APP: variants seen among roughly 807,000 people sequenced by gnomAD.
APP encodes amyloid beta precursor protein.
In APP, 31 loss-of-function variants were observed where a neutral mutation model predicts 101.4. The ratio of observed to expected loss-of-function variants is 0.31; its 90% CI spans 0.23 to 0.41. APP has a LOEUF of 0.41. Among genes scored for constraint, APP ranks in the 10% least tolerant of loss-of-function variants. The pLI is 1.00. For synonymous variants in APP, 366 were observed against 364.4 expected (o/e 1.00, Z -0.05); for missense variants, 839 against 1,003.7 (o/e 0.84, Z 2.22).
intron 3 of APP, among the ~76,000 whole-genome samples, chr21:26,057,220 C>T (rs574817027): frequency 1.2e-4 from 19 of 152,292 alleles, no homozygotes; most frequent in African/African-American, 4.3e-4. Flanking sequence ...AATGCTTCTG[C>T]TTATTTGCTT....
chr21:26,002,098 A>T (rs1040800636), intron 6 of APP, among the ~76,000 whole-genome samples: 7 of 152,198 alleles, frequency 4.6e-5, no homozygotes, highest in African/African-American at 1.4e-4. Flanking sequence ...AGCAGTACTG[A>T]GTGAGATGGC....
intron 11 of APP, among the ~76,000 whole-genome samples, chr21:25,965,602 A>G (rs977454301): frequency 1.3e-5 from 2 of 152,194 alleles, no homozygotes; most frequent in African/African-American, 2.4e-5. Context: ...AAAGCCAAAC[A>G]TCACCTGGCA....
chr21:26,029,015 T>A (rs1476996696), intron 5 of APP, among the ~76,000 whole-genome samples: 1 of 151,146 alleles, frequency 6.6e-6, no homozygotes, highest in Non-Finnish European at 1.5e-5. Flanking sequence ...ACCAAGAGAG[T>A]GCATGGATGG....
chr21:25,897,460 G>C (rs1053353073), intron 16 of APP, 113 bp downstream of exon 16: 3 of 870,394 alleles, frequency 3.4e-6, no homozygotes, highest in East Asian at 2.5e-5. Flanking sequence ...CTATAGGCAA[G>C]CATTGTATTT....
intron 7 of APP, among the ~76,000 whole-genome samples, chr21:25,998,718 T>C (rs765282899): frequency 2.0e-5 from 3 of 152,146 alleles, no homozygotes; most frequent in Non-Finnish European, 4.4e-5. Context: ...TTGAGTTTCA[T>C]TTTTAGTTAT....
chr21:26,030,422 A>T (rs1341547168), intron 5 of APP, among the ~76,000 whole-genome samples: 1 of 152,206 alleles, frequency 6.6e-6, no homozygotes, highest in African/African-American at 2.4e-5. Flanking sequence ...TCTGTAGAAA[A>T]ATGTTCTTAG....
chr21:25,977,233 G>T (rs138695062), intron 9 of APP, among the ~76,000 whole-genome samples: 6 of 152,294 alleles, frequency 3.9e-5, no homozygotes, highest in Non-Finnish European at 2.9e-5. Context: ...GTTGTTCAAA[G>T]AAAATATTAA....
At chr21:26,018,796 C>T (rs577554214) in intron 6 of APP, among the ~76,000 whole-genome samples, 16 of 152,280 alleles carry the variant, frequency 1.1e-4, no homozygotes, top group Admixed American at 7.8e-4. Context: ...TTCTTGCCAA[C>T]AAAATTATTA....
At chr21:25,915,539 A>C (rs898141671) in intron 13 of APP, among the ~76,000 whole-genome samples, 1 of 152,264 alleles carries the variant, frequency 6.6e-6, no homozygotes, top group Non-Finnish European at 1.5e-5. Flanking sequence ...ATTAGGCATT[A>C]TTAAGCATGT....
intron 13 of APP, chr21:25,935,221 G>A (rs1001952447): frequency 6.6e-6 from 1 of 152,268 alleles, no homozygotes; most frequent in East Asian, 1.9e-4. Context: ...TAAATTTACT[G>A]AAGTCAGGGC....
intron 1 of APP, among the ~76,000 whole-genome samples, chr21:26,125,961 G>C (rs150963359): frequency 6.6e-6 from 1 of 152,122 alleles, no homozygotes; most frequent in African/African-American, 2.4e-5. Flanking sequence ...CCTTACCCCC[G>C]ACGGATGTCT....
chr21:25,961,498 C>T (rs966282399), intron 11 of APP, among the ~76,000 whole-genome samples: 2 of 152,154 alleles, frequency 1.3e-5, no homozygotes, highest in Non-Finnish European at 2.9e-5. Context: ...AAAGACCTCC[C>T]TCCTTTTGAT....
intron 1 of APP, among the ~76,000 whole-genome samples, chr21:26,136,815 T>G (rs1348905756): frequency 6.6e-6 from 1 of 152,218 alleles, no homozygotes; most frequent in Non-Finnish European, 1.5e-5. Flanking sequence ...CAGGCCAGTT[T>G]ATGTGCCTGT....
Position 25,891,827 on chromosome 21 carries a change from G to GATTGC in APP, c.2101_2105dup (p.Ile702MetfsTer13). 1 of 1,614,036 alleles carries GATTGC rather than the reference G, an allele frequency of 6.2e-7. No homozygotes were observed. Among genetic ancestry groups the GATTGC allele is most frequent in the Non-Finnish European group, 8.5e-7 (1 of 1,179,994 alleles). On this transcript the variant is annotated frameshift_variant, in exon 17 of 18. Transcript: ENST00000346798. LOFTEE classifies it high-confidence loss of function. ...CAACACCGCCCACCATGAGTCCAATGATTGCACCTTTGTTTGAACCCACAT... is the reference window on the plus strand; with the variant it reads ...CAACACCGCCCACCATGAGTCCAATGATTGCATTGCACCTTTGTTTGAACCCACAT...
intron 3 of APP, among the ~76,000 whole-genome samples, chr21:26,085,257 G>T (rs754583660): frequency 6.6e-6 from 1 of 152,226 alleles, no homozygotes; most frequent in African/African-American, 2.4e-5. Flanking sequence ...CTTTCCTGAT[G>T]AAGAAATGCC....
intron 1 of APP, among the ~76,000 whole-genome samples, chr21:26,147,326 T>C (rs938328577): frequency 6.6e-6 from 1 of 152,202 alleles, no homozygotes; most frequent in Non-Finnish European, 1.5e-5. Flanking sequence ...TCACTTGACA[T>C]GCTGATAGCA....
intron 8 of APP, among the ~76,000 whole-genome samples, chr21:25,993,471 T>A (rs2042945827): frequency 6.6e-6 from 1 of 152,194 alleles, no homozygotes; most frequent in Non-Finnish European, 1.5e-5. Flanking sequence ...TTTGCTGGTT[T>A]CTCTTCTGCT....
At chr21:26,053,490 T>G in intron 3 of APP, 142 bp from the exon 4 acceptor site, 1 of 657,556 alleles carries the variant, frequency 1.5e-6, no homozygotes, top group Non-Finnish European at 2.8e-6. Context: ...CCCTACTACC[T>G]TTAGAATGTT....
intron 2 of APP, among the ~76,000 whole-genome samples, chr21:26,094,040 C>G (rs962240613): frequency 2.0e-5 from 3 of 150,812 alleles, no homozygotes; most frequent in Non-Finnish European, 4.4e-5. Context: ...CGCAGGAACC[C>G]AGGAAGCGGA....
Sources: allele counts gnomAD v4.1 joint callset (sites outside exome capture counted in the v4.1 genomes callset), GRCh38; gene constraint gnomAD v4.1.1; transcripts MANE v1.5; gene names NCBI Gene and HGNC (gene_info 2026-07-23, HGNC 2026-07-21).